KIF19: variants seen among roughly 807,000 people sequenced by gnomAD.
KIF19 encodes kinesin family member 19, also known as kinesin-like protein KIF19.
KIF19 carries 98 observed loss-of-function variants against 106.6 expected under a neutral mutation model. The observed-to-expected ratio is 0.92, with a 90% CI of 0.78 to 1.09. KIF19 has a LOEUF of 1.09. Ranked by LOEUF, KIF19 falls within the 50% of genes least tolerant of loss-of-function variation. The pLI, the probability that KIF19 is intolerant of heterozygous loss-of-function variation, is 0.00. For synonymous variants in KIF19, 516 were observed against 584.2 expected (o/e 0.88, Z 1.68); for missense variants, 1,373 against 1,414.3 (o/e 0.97, Z 0.47).
chr17:74,344,568 A>G (rs112097699), intron 6 of KIF19, among the ~76,000 whole-genome samples, 193 bp from the exon 7 acceptor site: 1 of 152,152 alleles, frequency 6.6e-6, no homozygotes, highest in Non-Finnish European at 1.5e-5. Flanking sequence ...CTCTCCATTT[A>G]CACAGAGACC....
In KIF19 at chr17:74,350,900, CAGA is replaced by C. The variant is rs1434466890; in HGVS notation, c.1585_1587del (p.Lys529del). The C allele has an allele frequency of 5.6e-6, 9 of 1,613,430 alleles. No homozygotes were observed. The highest frequency in any genetic ancestry group is 6.8e-6 in the Non-Finnish European group (8 of 1,179,870). ...GGACGAGCAGAAGCAACTGCGCAAG[CAGA>C]AGGTGTCCAGGGTTTGGGGGGACAA... On this transcript the variant is annotated inframe_deletion and splice_region_variant, in exon 12 of 20. Transcript: ENST00000389916.
chr17:74,354,298 G>A lies in KIF19; in HGVS notation c.2445G>A (p.Leu815=), dbSNP rs917673576. 1 of 1,608,440 alleles carries A rather than the reference G, an allele frequency of 6.2e-7. No homozygotes were observed. Among genetic ancestry groups the A allele is most frequent in the Non-Finnish European group, 8.5e-7 (1 of 1,178,460 alleles). Residue 815 remains leucine, a synonymous_variant, in exon 18 of 20, where the codon CTG becomes CTA. Coordinates refer to ENST00000389916, the MANE Select transcript of KIF19 (RefSeq NM_153209.4). ...GCAGCAGCCTGTCCCTGCACTCACT[G>A]AGCGAGGGCGACGATGCGCGGCCAC... ...TERSSLSLHS[L]SEGDDARPPG... is the part of the protein sequence containing the mutation.
chr17:74,328,376 C>T (rs765114277), intron 1 of KIF19, 49 bp from the exon 2 acceptor site: 12 of 1,543,576 alleles, frequency 7.8e-6, no homozygotes, highest in Admixed American at 1.9e-5. Context: ...CTCTGAGGCC[C>T]AGCATGGTCC....
Position 74,349,282 on chromosome 17 carries a change from T to C in KIF19, c.1146T>C (p.Ile382=). ...AGATCCAGCGACTCAAGCGCAAGAT[T>C]GATGAGCAGACTGGGCGGGGCCAGG... The part of the protein sequence containing the change: ...RGEIQRLKRK[I]DEQTGRGQAR... Residue 382 remains isoleucine (I), a synonymous_variant, in exon 10 of 20, where the codon ATT becomes ATC. Coordinates refer to ENST00000389916, the MANE Select transcript of KIF19 (RefSeq NM_153209.4). The C allele has an allele frequency of 6.2e-7, 1 of 1,613,102 alleles. No homozygotes were observed. Among genetic ancestry groups the C allele is most frequent in the Non-Finnish European group, 8.5e-7 (1 of 1,179,696 alleles).
rs2054676383 is a variant in KIF19, at chr17:74,350,728, C to A, written c.1410C>A (p.Arg470=). 1 of 1,613,798 alleles carries A rather than the reference C, an allele frequency of 6.2e-7. No homozygotes were observed. Among genetic ancestry groups the A allele is most frequent in the African/African-American group, 1.3e-5 (1 of 74,946 alleles). The part of the protein sequence containing the change: ...TIAGWKHEKS[R]RALKWREEQR... ...GCAGCTGGAAGCATGAGAAGTCCCG[C>A]CGGGCCCTCAAATGGCGGGAGGAGC... Residue 470 remains arginine, a synonymous_variant, in exon 12 of 20, where the codon CGC becomes CGA. Transcript: ENST00000389916.
At chr17:74,345,906 G>A (rs1165387973) in intron 7 of KIF19, among the ~76,000 whole-genome samples, 4 of 152,146 alleles carry the variant, frequency 2.6e-5, no homozygotes, top group Admixed American at 2.6e-4. Flanking sequence ...CTCCTAAGGG[G>A]AGCTGCAGGC....
Position 74,352,233 on chromosome 17 carries a change from G to A in KIF19, c.1873G>A (p.Val625Ile), listed in dbSNP as rs765223122. ...TTCCCCAGCAGACTACAACCTGGCC[G>A]TCCCGCAGCGCCTGGAAGAGCTCTA... Reference protein sequence around the residue: ...RQIIDDYNLAVPQRLEELYEV... With the variant: ...RQIIDDYNLAIPQRLEELYEV... The change falls in exon 14 of 20, where the codon GTC (valine) becomes ATC (isoleucine). Residue 625 changes from valine (V) to isoleucine (I), a missense_variant. Val to Ile is a conservative substitution (Grantham distance 29). This residue lies in a region of KIF19 where 1,020 missense variants were observed against 1,008.2 expected (regional missense o/e 1.01). Transcript: ENST00000389916. The A allele has an allele frequency of 3.1e-5, 50 of 1,612,298 alleles. No homozygotes were observed. The South Asian group carries it at 4.4e-4, about 14-fold the overall frequency.
rs749764279 is a variant in KIF19, at chr17:74,339,463, CA to C, written c.121-2412del. ...CTACCTCCCTCGCCACCTTCCCTCC[CA>C]CTGAAAGAGGGGACCGATGAGACAC... On this transcript the variant is annotated intron_variant, in intron 2 of 19. Coordinates refer to ENST00000389916, the MANE Select transcript of KIF19 (RefSeq NM_153209.4). 2.9e-4 allele frequency among the ~76,000 whole-genome samples: 44 copies of C among 151,208 alleles called. 1 individual carries two copies. The highest frequency in any genetic ancestry group is 4.4e-4 in the Non-Finnish European group (30 of 67,852).
intron 2 of KIF19, among the ~76,000 whole-genome samples, chr17:74,340,818 T>G (rs9892531): frequency 0.13 from 20,121 of 152,270 alleles, 1,429 homozygotes; most frequent in African/African-American, 0.16. Flanking sequence ...CTCTTTGCTC[T>G]GTCCCAGGCT....
intron 2 of KIF19, among the ~76,000 whole-genome samples, chr17:74,332,532 G>T (rs2144205447): frequency 6.6e-6 from 1 of 152,262 alleles, no homozygotes; most frequent in Non-Finnish European, 1.5e-5. Flanking sequence ...GTCTGCAGGA[G>T]TTAAGTCAGC....
At chr17:74,342,400 G>T (rs1208196066) in intron 3 of KIF19, among the ~76,000 whole-genome samples, 1 of 152,156 alleles carries the variant, frequency 6.6e-6, no homozygotes, top group African/African-American at 2.4e-5. Context: ...GGGGCCAGGA[G>T]CCAGCTGCGC....
At position 74,353,592 on chromosome 17, in the gene KIF19, C is replaced by T. The variant is rs761210608; in HGVS notation, c.2308+11C>T. On this transcript the variant is annotated intron_variant, in intron 17 of 19. Transcript: ENST00000389916. Reference sequence around the variant, plus strand: ...CCTTGTCCCACAAAGGTATGTGTGCCCTCTGCTGCCCGGCCACCTCACCTG... The same window carrying T: ...CCTTGTCCCACAAAGGTATGTGTGCTCTCTGCTGCCCGGCCACCTCACCTG... 6.2e-7 allele frequency: 1 copy of T among 1,606,304 alleles called. No homozygotes were observed.
intron 2 of KIF19, among the ~76,000 whole-genome samples, chr17:74,340,555 G>GCGCACGCACACACA: frequency 3.6e-4 from 54 of 148,306 alleles, no homozygotes; most frequent in Middle Eastern, 6.9e-3. Context: ...ATGCGCGCGC[G>GCGCACGCACACACA]TACACACACA....
chr17:74,332,954 G>A (rs1598371177), intron 2 of KIF19, among the ~76,000 whole-genome samples: 1 of 152,230 alleles, frequency 6.6e-6, no homozygotes, highest in East Asian at 1.9e-4. Flanking sequence ...CACCCCGAGA[G>A]CTGTCGAGAG....
chr17:74,352,133 C>T lies in KIF19; in HGVS notation c.1854C>T (p.Ile618=), dbSNP rs1477920852. 6.3e-7 allele frequency: 1 copy of T among 1,581,998 alleles called. No individual in the cohort carries two copies. The highest frequency in any genetic ancestry group is 1.7e-5 in the Admixed American group (1 of 57,520). The change falls in exon 13 of 20, where the codon ATC becomes ATT. Residue 618 remains isoleucine, a synonymous_variant. Coordinates refer to ENST00000389916, the MANE Select transcript of KIF19 (RefSeq NM_153209.4). ...TTATCCAGGGCCAGCGGCAGATCATCGACGGTAGGGCCCACGCCCCCGCGC... is the reference window on the plus strand; with the variant it reads ...TTATCCAGGGCCAGCGGCAGATCATTGACGGTAGGGCCCACGCCCCCGCGC... ...DEIIQGQRQI[I]DDYNLAVPQR... is the part of the protein sequence containing the mutation.
intron 5 of KIF19, among the ~76,000 whole-genome samples, chr17:74,343,644 G>T (rs1201106943): frequency 6.6e-6 from 1 of 152,236 alleles, no homozygotes; most frequent in Non-Finnish European, 1.5e-5. Context: ...GTCCAGAAGA[G>T]GTGGGAGGCT....
chr17:74,332,114 C>T (rs56389523), intron 2 of KIF19, among the ~76,000 whole-genome samples: 46 of 152,040 alleles, frequency 3.0e-4, no homozygotes, highest in Non-Finnish European at 5.3e-4. Context: ...AAACCTGGCC[C>T]TTGAGCCTTC....
rs916488027 is a variant in KIF19 at position 74,326,276 on chromosome 17, C to A, written c.-74C>A. On this transcript the variant is annotated 5_prime_UTR_variant, in exon 1 of 20. Transcript: ENST00000389916. Reference sequence around the variant, plus strand: ...GCGGGCAGCTAGCAGCTGGCGGACGCGACCCGGAGGCGGTGGGGGTGCGGC... The same window carrying A: ...GCGGGCAGCTAGCAGCTGGCGGACGAGACCCGGAGGCGGTGGGGGTGCGGC... The A allele has an allele frequency of 7.0e-7, 1 of 1,426,804 alleles. No homozygotes were observed. 88.4% of individuals were successfully genotyped at this position (1,426,804 alleles called of 1,614,324 possible).
At position 74,342,028 on chromosome 17, in the gene KIF19, C is replaced by T. The variant is rs756881041; in HGVS notation, c.231+42C>T. On this transcript the variant is annotated intron_variant, in intron 3 of 19. Transcript: ENST00000389916. Reference sequence around the variant, plus strand: ...GCTGGAGACACGCAGGAGCCCCTCCCCCACCCTTAGCCCCACTCAGGAGGG... The same window carrying T: ...GCTGGAGACACGCAGGAGCCCCTCCTCCACCCTTAGCCCCACTCAGGAGGG... The T allele has an allele frequency of 6.1e-6, 9 of 1,480,498 alleles. No individual in the cohort carries two copies. In the East Asian group the frequency reaches 2.0e-4, roughly 33 times the overall value. The allele number at this position is 1,480,498 out of a possible 1,614,324, so 91.7% of individuals were successfully genotyped here.
Sources: gnomAD v4.1 joint callset for allele counts (sites outside exome capture counted in the v4.1 genomes callset) on GRCh38, gnomAD v4.1.1 for gene constraint, gnomAD v4.1.1 regional missense constraint, MANE v1.5 for transcripts, NCBI Gene and HGNC (gene_info 2026-07-23, HGNC 2026-07-21) for gene names.